The following NACA2 variants were observed in gnomAD, a reference collection of about 807,000 sequenced individuals.
NACA2 encodes the protein nascent polypeptide-associated complex subunit alpha-2.
A neutral mutation model predicts 15.6 loss-of-function variants in NACA2; 9 were observed. The ratio of observed to expected loss-of-function variants is 0.58; its 90% confidence interval spans 0.35 to 1.00. The LOEUF is 1.00. Ranked by LOEUF, NACA2 falls within the 50% of genes least tolerant of loss-of-function variation. NACA2 has a pLI of 0.02. For missense variants in NACA2, 258 were observed against 257.5 expected, an observed-to-expected ratio of 1.00 and a Z score of -0.01; for synonymous variants, 111 against 100.5, an observed-to-expected ratio of 1.10 and a Z score of -0.62.
rs368271334 is a variant in NACA2 at position 61,590,782 on chromosome 17, C to G, written c.399G>C (p.Gln133His). Residue 133 changes from glutamine (Q) to histidine (H), a missense_variant, in exon 1 of 1, where the codon CAG (glutamine) becomes CAC (histidine). Transcript: ENST00000521764. ...FGEAKIQDLSQQAQLAAAEKF... is the reference protein window; with the variant it reads ...FGEAKIQDLSHQAQLAAAEKF... Reference sequence around the variant, plus strand: ...TCTCCGCAGCTGCTAGTTGTGCTTGCTGAGATAAATCTTGGATCTTGGCTT... The same window carrying G: ...TCTCCGCAGCTGCTAGTTGTGCTTGGTGAGATAAATCTTGGATCTTGGCTT... The G allele has an allele frequency of 2.1e-5, 34 of 1,614,084 alleles. No homozygotes were observed. In the African/African-American group the frequency reaches 4.1e-4, roughly 20 times the overall value.
In NACA2 at chr17:61,591,009, C is replaced by T. The variant is rs750416162; in HGVS notation, c.172G>A (p.Glu58Lys). 25 of 1,614,116 alleles carry T rather than the reference C, an allele frequency of 1.5e-5. No homozygotes were observed. Among genetic ancestry groups the T allele is most frequent in the Non-Finnish European group, 1.9e-5 (23 of 1,180,048 alleles). ...TTACCGACTGGTTCTTCATCAATTT[C>T]AGCTGCTGCCACCAGCCAGGCTTTT... The part of the protein sequence containing the change: ...TQKAWLVAAA[E>K]IDEEPVGKAK... The change falls in exon 1 of 1, where the codon GAA (glutamate) becomes AAA (lysine). Residue 58 changes from glutamate (E) to lysine (K), a missense_variant. Physicochemically the swap from Glu to Lys is moderately conservative, Grantham distance 56. Transcript: ENST00000521764.
Position 61,591,208 on chromosome 17 carries a change from G to A in NACA2, c.-28C>T. On this transcript the variant is annotated 5_prime_UTR_variant, in exon 1 of 1. Coordinates refer to ENST00000521764, the MANE Select transcript of NACA2 (RefSeq NM_199290.4). ...TGTGCAGGGAACGCGGAAGCAAGAT[G>A]GCGGCAGAAAGAGCGCGAGCGAGAG... 1 of 1,613,942 alleles carries A rather than the reference G, an allele frequency of 6.2e-7. No individual in the cohort carries two copies. Among genetic ancestry groups the A allele is most frequent in the Non-Finnish European group, 8.5e-7 (1 of 1,180,050 alleles).
Position 61,590,532 on chromosome 17 carries a change from G to T in NACA2, c.*1C>A, listed in dbSNP as rs146671736. On this transcript the variant is annotated 3_prime_UTR_variant, in exon 1 of 1. Transcript: ENST00000521764. ...CACCAAAAAAAGTTGCTTTCAGATG[G>T]TTACACTGTTAATTCCATAATCGCA... 105 of 1,614,138 alleles carry T rather than the reference G, an allele frequency of 6.5e-5. No individual in the cohort carries two copies. The African/African-American group carries it at 1.1e-3, about 17-fold the overall frequency.
chr17:61,590,762 G>C lies in NACA2; in HGVS notation c.419C>G (p.Ala140Gly). 6 of 1,614,134 alleles carry C rather than the reference G, an allele frequency of 3.7e-6. No individual in the cohort carries two copies. Among genetic ancestry groups the C allele is most frequent in the Non-Finnish European group, 2.5e-6 (3 of 1,180,028 alleles). Residue 140 changes from alanine to glycine, a missense_variant, in exon 1 of 1, where the codon GCG becomes GGG. Coordinates refer to ENST00000521764, the MANE Select transcript of NACA2 (RefSeq NM_199290.4). ...TTCACCTTGAACTCTGAATTTCTCC[G>C]CAGCTGCTAGTTGTGCTTGCTGAGA... ...DLSQQAQLAA[A>G]EKFRVQGEAV...
rs772715534 is a variant in NACA2 at position 61,590,594 on chromosome 17, A to G, written c.587T>C (p.Val196Ala). The G allele has an allele frequency of 3.1e-6, 5 of 1,614,064 alleles. No homozygotes were observed. Among genetic ancestry groups the G allele is most frequent in the Non-Finnish European group, 4.2e-6 (5 of 1,180,046 alleles). The change falls in exon 1 of 1, where the codon GTC (valine) becomes GCC (alanine). Residue 196 changes from valine (V) to alanine (A), a missense_variant. Transcript: ENST00000521764. ...ATTACTGTTGTTCTTCAGAGCTCGG[A>G]CTGCCTTTGCTCTCGACACATTTGC... is the stretch of plus-strand genomic sequence containing the variant. ...SQANVSRAKA[V>A]RALKNNSNDI...
chr17:61,590,427 T>G lies in NACA2; in HGVS notation c.*106A>C. 2 of 1,191,512 alleles carry G rather than the reference T, an allele frequency of 1.7e-6. No individual in the cohort carries two copies. The highest frequency in any genetic ancestry group is 4.7e-5 in the East Asian group (2 of 42,848). 73.8% of individuals were successfully genotyped at this position (1,191,512 alleles called of 1,614,324 possible). A position where few individuals can be genotyped will look rare whatever the true frequency, so the allele number is the denominator to read the frequency against. On this transcript the variant is annotated 3_prime_UTR_variant, in exon 1 of 1. Transcript: ENST00000521764. ...AAAGAGAGCATTTCTTTTCTTTTCT[T>G]TTTCCAGCAAGAAGTCATAACTTTA...
At position 61,590,550 on chromosome 17, in the gene NACA2, T is replaced by C. The variant is rs1010421770; in HGVS notation, c.631A>G (p.Met211Val). ...TCAGATGGTTACACTGTTAATTCCA[T>C]AATCGCATTTACAATATCATTACTG... Reference protein sequence around the residue: ...NNSNDIVNAIMELTV With the variant: ...NNSNDIVNAIVELTV The change falls in exon 1 of 1, where the codon ATG becomes GTG. Residue 211 changes from methionine to valine, a missense_variant. Coordinates refer to ENST00000521764, the MANE Select transcript of NACA2 (RefSeq NM_199290.4). 1 of 1,614,240 alleles carries C rather than the reference T, an allele frequency of 6.2e-7. No individual in the cohort carries two copies. Among genetic ancestry groups the C allele is most frequent in the Non-Finnish European group, 8.5e-7 (1 of 1,180,042 alleles).
In NACA2 at chr17:61,590,560, T is replaced by C. The variant is rs1470188588; in HGVS notation, c.621A>G (p.Val207=). 3.7e-6 allele frequency: 6 copies of C among 1,614,246 alleles called. No individual in the cohort carries two copies. Among genetic ancestry groups the C allele is most frequent in the Non-Finnish European group, 4.2e-6 (5 of 1,180,044 alleles). ...RALKNNSNDI[V]NAIMELTV ...ACACTGTTAATTCCATAATCGCATT[T>C]ACAATATCATTACTGTTGTTCTTCA... is the stretch of plus-strand genomic sequence containing the variant. The change falls in exon 1 of 1, where the codon GTA becomes GTG. Residue 207 remains valine (V), a synonymous_variant. Transcript: ENST00000521764.
In NACA2 at chr17:61,590,964, C is replaced by G. The variant is rs866544530; in HGVS notation, c.217G>C (p.Glu73Gln). ...PVGKAKQSRS[E>Q]KRARKAMSKL... ...GACATAGCCTTCCGTGCCCTCTTTT[C>G]ACTCCGACTCTGTTTTGCTTTACCG... Residue 73 changes from glutamate to glutamine, a missense_variant, in exon 1 of 1, where the codon GAA becomes CAA. Glu to Gln is a conservative substitution (Grantham distance 29). Transcript: ENST00000521764. The G allele has an allele frequency of 1.2e-6, 2 of 1,614,120 alleles. No homozygotes were observed. Among genetic ancestry groups the G allele is most frequent in the African/African-American group, 2.7e-5 (2 of 74,938 alleles).
rs149192515 is a variant in NACA2 at position 61,590,641 on chromosome 17, G to A, written c.540C>T (p.Asp180=). ...EVDETGVEVK[D]VKLVMSQANV... is the part of the protein sequence containing the mutation. ...TTGCTTGTGACATGACCAATTTCAC[G>A]TCTTTAACTTCTACACCTGTTTCAT... Residue 180 remains aspartate (D), a synonymous_variant, in exon 1 of 1, where the codon GAC becomes GAT. Transcript: ENST00000521764. The A allele has an allele frequency of 7.4e-6, 12 of 1,614,138 alleles. No homozygotes were observed. The highest frequency in any genetic ancestry group is 1.0e-5 in the Non-Finnish European group (12 of 1,179,998).
Position 61,591,186 on chromosome 17 carries a change from G to T in NACA2, c.-6C>A, listed in dbSNP as rs1440259992. ...TCTGTGGCTTCGCCCGGCATTTTGT[G>T]CAGGGAACGCGGAAGCAAGATGGCG... On this transcript the variant is annotated 5_prime_UTR_variant, in exon 1 of 1. Transcript: ENST00000521764. 2.5e-6 allele frequency: 4 copies of T among 1,614,172 alleles called. No individual in the cohort carries two copies. The African/African-American group carries it at 5.3e-5, about 22-fold the overall frequency.
At position 61,590,475 on chromosome 17, in the gene NACA2, T is replaced by C. The variant is rs2060994717; in HGVS notation, c.*58A>G. 100 of 1,523,726 alleles carry C rather than the reference T, an allele frequency of 6.6e-5. 1 individual carries two copies. The South Asian group carries it at 1.1e-3, about 17-fold the overall frequency. The allele number at this position is 1,523,726 out of a possible 1,614,324, so 94.4% of individuals were successfully genotyped here. A position where few individuals can be genotyped will look rare whatever the true frequency, so the allele number is the denominator to read the frequency against. On this transcript the variant is annotated 3_prime_UTR_variant, in exon 1 of 1. Coordinates refer to ENST00000521764, the MANE Select transcript of NACA2 (RefSeq NM_199290.4). Reference sequence around the variant, plus strand: ...TTATTTATGATAGAAACAGTACAAATTTCAAACCAAGCTGCAGTTACTCCT... The same window carrying C: ...TTATTTATGATAGAAACAGTACAAACTTCAAACCAAGCTGCAGTTACTCCT...
In NACA2 at chr17:61,591,168, C is replaced by A; in HGVS notation, c.13G>T (p.Ala5Ser). ...TCTGTAGCAGGGACGGTTTCTGTGGCTTCGCCCGGCATTTTGTGCAGGGAA... is the reference window on the plus strand; with the variant it reads ...TCTGTAGCAGGGACGGTTTCTGTGGATTCGCCCGGCATTTTGTGCAGGGAA... MPGE[A>S]TETVPATEQE... The change falls in exon 1 of 1, where the codon GCC becomes TCC. Residue 5 changes from alanine (A) to serine (S), a missense_variant. Transcript: ENST00000521764. The A allele has an allele frequency of 6.2e-7, 1 of 1,614,252 alleles. No individual in the cohort carries two copies. Among genetic ancestry groups the A allele is most frequent in the Non-Finnish European group, 8.5e-7 (1 of 1,180,056 alleles).
At position 61,590,691 on chromosome 17, in the gene NACA2, C is replaced by T. The variant is rs61739272; in HGVS notation, c.490G>A (p.Glu164Lys). 6.2e-7 allele frequency: 1 copy of T among 1,614,196 alleles called. No individual in the cohort carries two copies. The highest frequency in any genetic ancestry group is 8.5e-7 in the Non-Finnish European group (1 of 1,180,042). ...QENTQTPTVQ[E>K]ESEEEEVDET... Reference sequence around the variant, plus strand: ...TCGACCTCTTCCTCTTCACTCTCCTCTTGTACAGTTGGAGTCTGTGTGTTT... The same window carrying T: ...TCGACCTCTTCCTCTTCACTCTCCTTTTGTACAGTTGGAGTCTGTGTGTTT... Residue 164 changes from glutamate (E) to lysine (K), a missense_variant, in exon 1 of 1, where the codon GAG becomes AAG. Physicochemically the swap from Glu to Lys is moderately conservative, Grantham distance 56. Transcript: ENST00000521764.
At position 61,590,451 on chromosome 17, in the gene NACA2, T is replaced by A; in HGVS notation, c.*82A>T. 7.3e-7 allele frequency: 1 copy of A among 1,368,434 alleles called. No homozygotes were observed. Among genetic ancestry groups the A allele is most frequent in the East Asian group, 2.3e-5 (1 of 43,652 alleles). The allele number at this position is 1,368,434 out of a possible 1,614,324, so 84.8% of individuals were successfully genotyped here. A position where few individuals can be genotyped will look rare whatever the true frequency, so the allele number is the denominator to read the frequency against. On this transcript the variant is annotated 3_prime_UTR_variant, in exon 1 of 1. Coordinates refer to ENST00000521764, the MANE Select transcript of NACA2 (RefSeq NM_199290.4). Reference sequence around the variant, plus strand: ...TTTTTCCAGCAAGAAGTCATAACTTTATTTATGATAGAAACAGTACAAATT... The same window carrying A: ...TTTTTCCAGCAAGAAGTCATAACTTAATTTATGATAGAAACAGTACAAATT...
rs767833660 is a variant in NACA2 at position 61,590,609 on chromosome 17, G to A, written c.572C>T (p.Ser191Leu). The A allele has an allele frequency of 1.9e-6, 3 of 1,614,112 alleles. No homozygotes were observed. The Admixed American group carries it at 5.0e-5, about 27-fold the overall frequency. The change falls in exon 1 of 1, where the codon TCG (serine) becomes TTG (leucine). Residue 191 changes from serine (S) to leucine (L), a missense_variant. Physicochemically the swap from Ser to Leu is moderately radical, Grantham distance 145. Transcript: ENST00000521764. The part of the protein sequence containing the change: ...VKLVMSQANV[S>L]RAKAVRALKN... ...CAGAGCTCGGACTGCCTTTGCTCTC[G>A]ACACATTTGCTTGTGACATGACCAA...
Position 61,591,136 on chromosome 17 carries a change from C to G in NACA2, c.45G>C (p.Glu15Asp), listed in dbSNP as rs780957858. The G allele has an allele frequency of 8.7e-6, 14 of 1,614,270 alleles. No individual in the cohort carries two copies. Among genetic ancestry groups the G allele is most frequent in the Admixed American group, 3.3e-5 (2 of 60,032 alleles). Residue 15 changes from glutamate (E) to aspartate (D), a missense_variant, in exon 1 of 1, where the codon GAG (glutamate) becomes GAC (aspartate). By Grantham distance (45) the Glu-to-Asp change is conservative. Coordinates refer to ENST00000521764, the MANE Select transcript of NACA2 (RefSeq NM_199290.4). ...ATETVPATEQELPQSQAETGS... is the reference protein window; with the variant it reads ...ATETVPATEQDLPQSQAETGS... ...CTGTCTCAGCCTGGGACTGCGGCAA[C>G]TCCTGCTCTGTAGCAGGGACGGTTT...
chr17:61,590,972 C>G lies in NACA2; in HGVS notation c.209G>C (p.Ser70Thr). Residue 70 changes from serine to threonine, a missense_variant, in exon 1 of 1, where the codon AGT (serine) becomes ACT (threonine). Coordinates refer to ENST00000521764, the MANE Select transcript of NACA2 (RefSeq NM_199290.4). ...DEEPVGKAKQ[S>T]RSEKRARKAM... ...CTTCCGTGCCCTCTTTTCACTCCGA[C>G]TCTGTTTTGCTTTACCGACTGGTTC... The G allele has an allele frequency of 6.2e-7, 1 of 1,614,250 alleles. No homozygotes were observed. The highest frequency in any genetic ancestry group is 2.2e-5 in the East Asian group (1 of 44,892).
rs747159246 is a variant in NACA2, at chr17:61,591,189, G to C, written c.-9C>G. Reference sequence around the variant, plus strand: ...GTGGCTTCGCCCGGCATTTTGTGCAGGGAACGCGGAAGCAAGATGGCGGCA... The same window carrying C: ...GTGGCTTCGCCCGGCATTTTGTGCACGGAACGCGGAAGCAAGATGGCGGCA... On this transcript the variant is annotated 5_prime_UTR_variant, in exon 1 of 1. Coordinates refer to ENST00000521764, the MANE Select transcript of NACA2 (RefSeq NM_199290.4). 4 of 1,614,178 alleles carry C rather than the reference G, an allele frequency of 2.5e-6. No homozygotes were observed. Among genetic ancestry groups the C allele is most frequent in the South Asian group, 1.1e-5 (1 of 91,088 alleles).
Sources: gnomAD v4.1 joint callset for allele counts on GRCh38, gnomAD v4.1.1 for gene constraint, MANE v1.5 for transcripts, NCBI Gene and HGNC (gene_info 2026-07-23, HGNC 2026-07-21) for gene names.